Variants in RIMS1 observed in about 807,000 individuals in gnomAD.
RIMS1 encodes regulating synaptic membrane exocytosis protein 1.
A neutral mutation model predicts 214.1 loss-of-function variants in RIMS1; 83 were observed. That is an observed-to-expected ratio of 0.39 (90% CI 0.32 to 0.47). The LOEUF (loss-of-function observed/expected upper bound fraction) is 0.47. Among genes scored for constraint, RIMS1 ranks in the 20% least tolerant of loss-of-function variants. The probability of loss-of-function intolerance (pLI) is 0.99; values close to 1 mark genes in which losing one functional copy is unlikely to be tolerated. For missense variants in RIMS1, 2,050 were observed against 2,161.8 expected (o/e 0.95, Z 1.03); for synonymous variants, 793 against 786.8 (o/e 1.01, Z -0.13).
intron 2 of RIMS1, among the ~76,000 whole-genome samples, chr6:71,997,175 GA>G (rs1026002166): frequency 6.6e-6 from 1 of 152,064 alleles, no homozygotes; most frequent in African/African-American, 2.4e-5. Context: ...TTAGAATAGG[GA>G]TAAAATAAAC....
chr6:71,981,690 A>C (rs150863658), intron 2 of RIMS1, among the ~76,000 whole-genome samples: 20 of 152,276 alleles, frequency 1.3e-4, no homozygotes, highest in African/African-American at 4.8e-4. Context: ...AAGGGGGTTT[A>C]ATCTCTAATC....
At chr6:72,011,138 C>A (rs1249334282) in intron 2 of RIMS1, among the ~76,000 whole-genome samples, 1 of 152,096 alleles carries the variant, frequency 6.6e-6, no homozygotes, top group African/African-American at 2.4e-5. Context: ...GAGATATAGA[C>A]CAATGGAATA....
In RIMS1 at chr6:72,182,894, C is replaced by G. The variant is rs1307685663; in HGVS notation, c.1423C>G (p.Arg475Gly). ...CCAGGAGCCCCTCAGGAAGCAGAGC[C>G]GCCTGGACCCCAGCTCGGCGGTCCT... is the stretch of plus-strand genomic sequence containing the variant. ...KAQEPLRKQS[R>G]LDPSSAVLMR... The change falls in exon 6 of 34, where the codon CGC (arginine) becomes GGC (glycine). Residue 475 changes from arginine to glycine, a missense_variant. Around this residue, in one of 6 missense-constraint regions of RIMS1, gnomAD observed 882 missense variants for 828.9 expected, o/e 1.06. Coordinates refer to ENST00000521978, the MANE Select transcript of RIMS1 (RefSeq NM_014989.7). The G allele has an allele frequency of 6.4e-7, 1 of 1,571,658 alleles. No homozygotes were observed. The highest frequency in any genetic ancestry group is 8.6e-7 in the Non-Finnish European group (1 of 1,160,108).
At chr6:71,955,862 G>T (rs1364026311) in intron 1 of RIMS1, among the ~76,000 whole-genome samples, 3 of 152,120 alleles carry the variant, frequency 2.0e-5, no homozygotes, top group Admixed American at 1.3e-4. Context: ...TCTAAAGTAA[G>T]GGGGTTATTT....
At chr6:72,003,610 C>G (rs978807456) in intron 2 of RIMS1, among the ~76,000 whole-genome samples, 7 of 149,074 alleles carry the variant, frequency 4.7e-5, no homozygotes, top group Non-Finnish European at 1.0e-4. Flanking sequence ...AGGTGTGTGT[C>G]TGTGTGTGTG....
rs369044721 is a variant in RIMS1 at position 72,360,794 on chromosome 6, C to T, written c.4366+26959C>T. ...AAAAGACGGCGTTTTATTTTTTGTG[C>T]GTAGTTCTTTAATACTTAATAAATA... is the stretch of plus-strand genomic sequence containing the variant. On this transcript the variant is annotated intron_variant, in intron 29 of 33. Transcript: ENST00000521978. Among the ~76,000 whole-genome samples, 196 of 149,828 alleles carry T rather than the reference C, an allele frequency of 1.3e-3. 7 individuals are homozygous for T. The South Asian group carries it at 0.037, about 28-fold the overall frequency.
At chr6:72,213,196 C>A (rs774470679) in intron 6 of RIMS1, 2 of 1,536,410 alleles carry the variant, frequency 1.3e-6, no homozygotes, top group East Asian at 2.4e-5. Flanking sequence ...GAAGAGGGAA[C>A]AATTGAAGCT....
chr6:72,121,093 A>G (rs1186678746), intron 4 of RIMS1, among the ~76,000 whole-genome samples: 1 of 151,762 alleles, frequency 6.6e-6, no homozygotes, highest in South Asian at 2.1e-4. Context: ...GTGTGATGCC[A>G]CCAGCTTTGT....
chr6:72,036,323 C>A, intron 2 of RIMS1, among the ~76,000 whole-genome samples: 1 of 152,178 alleles, frequency 6.6e-6, no homozygotes, highest in East Asian at 1.9e-4. Flanking sequence ...TCCTGGTTTG[C>A]AGTAATGTCG....
intron 2 of RIMS1, among the ~76,000 whole-genome samples, chr6:72,046,438 G>A (rs1343541302): frequency 3.3e-5 from 5 of 152,048 alleles, no homozygotes; most frequent in Non-Finnish European, 7.4e-5. Context: ...TATTGCAGGG[G>A]TCCACATCCA....
chr6:72,379,011 G>A (rs2098441231), intron 29 of RIMS1, among the ~76,000 whole-genome samples: 1 of 152,150 alleles, frequency 6.6e-6, no homozygotes, highest in Non-Finnish European at 1.5e-5. Flanking sequence ...TAGAAGAGGA[G>A]CCTTATTCTT....
intron 31 of RIMS1, among the ~76,000 whole-genome samples, chr6:72,396,327 A>G (rs1177124342): frequency 6.6e-6 from 1 of 152,152 alleles, no homozygotes; most frequent in Non-Finnish European, 1.5e-5. Context: ...AGATTGTCCA[A>G]ATTGTTTAAA....
intron 2 of RIMS1, among the ~76,000 whole-genome samples, chr6:71,989,997 T>C (rs1321787687): frequency 6.6e-6 from 1 of 152,184 alleles, no homozygotes; most frequent in African/African-American, 2.4e-5. Flanking sequence ...CTGTGTCTCC[T>C]CACTGTTCAG....
chr6:72,318,782 C>A (rs1012555459), intron 28 of RIMS1, among the ~76,000 whole-genome samples: 2 of 152,076 alleles, frequency 1.3e-5, no homozygotes, highest in African/African-American at 4.8e-5. Flanking sequence ...CTCACTAGAC[C>A]TGAAAGGTTT....
intron 16 of RIMS1, among the ~76,000 whole-genome samples, chr6:72,254,213 T>A (rs1478723031): frequency 6.6e-6 from 1 of 152,252 alleles, no homozygotes; most frequent in South Asian, 2.1e-4. Context: ...ATTGTTAAAT[T>A]TATTATTATA....
chr6:71,981,566 T>A (rs1282012399), intron 2 of RIMS1, among the ~76,000 whole-genome samples: 3 of 152,062 alleles, frequency 2.0e-5, no homozygotes, highest in African/African-American at 7.2e-5. Context: ...TTAGAAAAAA[T>A]TCATAGAAAA....
At chr6:72,243,741 A>C (rs1213747840) in intron 10 of RIMS1, among the ~76,000 whole-genome samples, 1 of 151,786 alleles carries the variant, frequency 6.6e-6, no homozygotes, top group Non-Finnish European at 1.5e-5. Context: ...CATTATTTTT[A>C]CTTTTTATGA....
chr6:72,310,735 T>C (rs2095470083), intron 27 of RIMS1, among the ~76,000 whole-genome samples: 1 of 152,106 alleles, frequency 6.6e-6, no homozygotes, highest in Non-Finnish European at 1.5e-5. Context: ...ATTAAATTGT[T>C]ACATTCAAAA....
chr6:72,231,981 C>G (rs1359099892), intron 6 of RIMS1, among the ~76,000 whole-genome samples: 1 of 151,632 alleles, frequency 6.6e-6, no homozygotes, highest in Non-Finnish European at 1.5e-5. Context: ...GAGTAGTTTT[C>G]AAGACCTAAG....
Sources: allele counts gnomAD v4.1 joint callset (sites outside exome capture counted in the v4.1 genomes callset), GRCh38; gene constraint gnomAD v4.1.1; regional missense constraint gnomAD v4.1.1; transcripts MANE v1.5; gene names NCBI Gene and HGNC (gene_info 2026-07-23, HGNC 2026-07-21).